The following CDHR1 variants were observed in gnomAD, a reference collection of about 807,000 sequenced individuals.
The protein encoded by CDHR1 is cadherin related family member 1, also known as cadherin-related family member 1.
In CDHR1, 61 loss-of-function variants were observed where a neutral mutation model predicts 72.1. The observed-to-expected ratio is 0.85, with a 90% CI of 0.69 to 1.05. CDHR1 has a LOEUF of 1.05. Among genes scored for constraint, CDHR1 ranks in the 50% least tolerant of loss-of-function variants. The probability of loss-of-function intolerance (pLI) is 0.00; values close to 1 mark genes in which losing one functional copy is unlikely to be tolerated. For synonymous variants in CDHR1, 470 were observed against 448.1 expected (o/e 1.05, Z -0.62); for missense variants, 1,186 against 1,115.7 (o/e 1.06, Z -0.90).
In CDHR1 at chr10:84,216,367, C is replaced by T; in HGVS notation, c.*1746C>T. The T allele has an allele frequency of 2.0e-6, 2 of 985,506 alleles. No homozygotes were observed. Among genetic ancestry groups the T allele is most frequent in the Non-Finnish European group, 2.4e-6 (2 of 829,976 alleles). 61.0% of individuals were successfully genotyped at this position (985,506 alleles called of 1,614,324 possible). On this transcript the variant is annotated 3_prime_UTR_variant, in exon 17 of 17. Transcript: ENST00000623527. ...AAGCAAGAGGTGGACTCGAGCAATC[C>T]AGGAGCCCAGACTGAGCAAATAAGT...
At chr10:84,195,203 G>T (rs1314832217) in intron 1 of CDHR1, among the ~76,000 whole-genome samples, 1 of 152,228 alleles carries the variant, frequency 6.6e-6, no homozygotes, top group Non-Finnish European at 1.5e-5. Context: ...CTCCGAGCGC[G>T]GGTGCAATCT....
chr10:84,217,654 A>T lies in CDHR1; in HGVS notation c.*3033A>T. Reference sequence around the variant, plus strand: ...TAGACACTTGCCGTGACTGTGGCCCACATACTAGAACACCATGTCCTGAAA... The same window carrying T: ...TAGACACTTGCCGTGACTGTGGCCCTCATACTAGAACACCATGTCCTGAAA... On this transcript the variant is annotated 3_prime_UTR_variant, in exon 17 of 17. Transcript: ENST00000623527. 3 of 985,514 alleles carry T rather than the reference A, an allele frequency of 3.0e-6. No individual in the cohort carries two copies. Among genetic ancestry groups the T allele is most frequent in the African/African-American group, 3.5e-5 (2 of 57,368 alleles). 61.0% of individuals were successfully genotyped at this position (985,514 alleles called of 1,614,324 possible).
rs747598809 is a variant in CDHR1, at chr10:84,213,114, A to G, written c.1806A>G (p.Glu602=). ...KIEAIDEDAE[E]PNNLVDYSIT... ...AGGCCATAGACGAGGATGCAGAGGA[A>G]CCCAACAACCTGGTGGACTATTCCA... The change falls in exon 16 of 17, where the codon GAA becomes GAG. Residue 602 remains glutamate, a synonymous_variant. Transcript: ENST00000623527. The G allele has an allele frequency of 6.2e-7, 1 of 1,614,226 alleles. No homozygotes were observed. Among genetic ancestry groups the G allele is most frequent in the South Asian group, 1.1e-5 (1 of 91,082 alleles).
At chr10:84,200,322 T>C (rs1369596057) in intron 5 of CDHR1, among the ~76,000 whole-genome samples, 1 of 152,230 alleles carries the variant, frequency 6.6e-6, no homozygotes, top group Non-Finnish European at 1.5e-5. Flanking sequence ...TAGGTAGACC[T>C]TTTATCTGTT....
intron 10 of CDHR1, 115 bp from the exon 11 acceptor site, chr10:84,208,059 C>T (rs1740022188): frequency 2.2e-6 from 2 of 919,646 alleles, no homozygotes; most frequent in South Asian, 1.3e-5. Flanking sequence ...AACCAAGTTG[C>T]TAAGCCAGGA....
Position 84,216,080 on chromosome 10 carries a change from C to CA in CDHR1, c.*1462dup, listed in dbSNP as rs1403194463. 15 of 985,314 alleles carry CA rather than the reference C, an allele frequency of 1.5e-5. No individual in the cohort carries two copies. Among genetic ancestry groups the CA allele is most frequent in the Non-Finnish European group, 1.8e-5 (15 of 829,950 alleles). 61.0% of individuals were successfully genotyped at this position (985,314 alleles called of 1,614,324 possible). The stretch of plus-strand genomic sequence containing the variant: ...TCATACAAGGCCTCTGGGGTTAATA[C>CA]AAATAGGTTGTGCCCTGCTTTAAGG... On this transcript the variant is annotated 3_prime_UTR_variant, in exon 17 of 17. Coordinates refer to ENST00000623527, the MANE Select transcript of CDHR1 (RefSeq NM_033100.4).
intron 5 of CDHR1, 121 bp downstream of exon 5, chr10:84,199,242 G>C: frequency 1.3e-6 from 1 of 766,672 alleles, no homozygotes; most frequent in Non-Finnish European, 2.3e-6. Context: ...GTCACCACCT[G>C]CTCCCTCCAA....
chr10:84,212,119 G>A, intron 14 of CDHR1, 60 bp from the exon 15 acceptor site: 1 of 1,391,408 alleles, frequency 7.2e-7, no homozygotes, highest in Non-Finnish European at 1.0e-6. Flanking sequence ...GCAGGCATGT[G>A]TATGTATGCA....
intron 13 of CDHR1, 66 bp downstream of exon 13, chr10:84,211,231 A>T: frequency 2.6e-6 from 4 of 1,559,402 alleles, no homozygotes; most frequent in Non-Finnish European, 3.5e-6. Context: ...ACAAATCTGG[A>T]AGGTCATTGC....
intron 6 of CDHR1, among the ~76,000 whole-genome samples, chr10:84,201,375 C>T (rs1842122042): frequency 6.6e-6 from 1 of 152,178 alleles, no homozygotes; most frequent in Non-Finnish European, 1.5e-5. Context: ...GCCAGGCTGC[C>T]TGGGACTGGC....
In CDHR1 at chr10:84,217,290, A is replaced by G; in HGVS notation, c.*2669A>G. On this transcript the variant is annotated 3_prime_UTR_variant, in exon 17 of 17. Transcript: ENST00000623527. The stretch of plus-strand genomic sequence containing the variant: ...AAGAGCTGGGAGGCAGGAATGGCAC[A>G]CTGGGCAGGCTTGCCCATTCCTGGC... 1 of 985,486 alleles carries G rather than the reference A, an allele frequency of 1.0e-6. No individual in the cohort carries two copies. The highest frequency in any genetic ancestry group is 1.2e-6 in the Non-Finnish European group (1 of 829,960). The allele number at this position is 985,486 out of a possible 1,614,324, so 61.0% of individuals were successfully genotyped here.
intron 12 of CDHR1, among the ~76,000 whole-genome samples, chr10:84,210,244 G>GT (rs964441185): frequency 3.5e-4 from 53 of 151,278 alleles, no homozygotes; most frequent in East Asian, 1.2e-3. Flanking sequence ...TTTTGTTTTT[G>GT]TTTTTTTTGT....
chr10:84,214,554 C>A lies in CDHR1; in HGVS notation c.2513C>A (p.Ser838Ter). 6.2e-7 allele frequency: 1 copy of A among 1,601,402 alleles called. No homozygotes were observed. The highest frequency in any genetic ancestry group is 1.1e-5 in the South Asian group (1 of 91,070). Residue 838 changes from serine to a stop codon, truncating the protein, a stop_gained, in exon 17 of 17, where the codon TCA (serine) becomes TAA (stop). Coordinates refer to ENST00000623527, the MANE Select transcript of CDHR1 (RefSeq NM_033100.4). LOFTEE classifies it high-confidence loss of function. ...AAAACTATGGGAAGCCCCGTCCAGT[C>A]AACTCTGATCTCTGAGCTCAAGCAA... Reference protein sequence around the residue: ...KPKTMGSPVQSTLISELKQKF... With the variant: ...KPKTMGSPVQ
At position 84,214,790 on chromosome 10, in the gene CDHR1, G is replaced by A. The variant is rs1345096156; in HGVS notation, c.*169G>A. On this transcript the variant is annotated 3_prime_UTR_variant, in exon 17 of 17. Coordinates refer to ENST00000623527, the MANE Select transcript of CDHR1 (RefSeq NM_033100.4). The stretch of plus-strand genomic sequence containing the variant: ...CCGCCACCTTCTGGCGCAACAAGAA[G>A]TTGCGCTCTGACAGGGCTCTAGTCA... 1.3e-6 allele frequency: 2 copies of A among 1,547,516 alleles called. No individual in the cohort carries two copies. The highest frequency in any genetic ancestry group is 1.7e-6 in the Non-Finnish European group (2 of 1,154,526).
chr10:84,212,108 T>G, intron 14 of CDHR1, 71 bp from the exon 15 acceptor site: 1 of 1,328,798 alleles, frequency 7.5e-7, no homozygotes, highest in African/African-American at 1.4e-5. Context: ...AGCTCATTAT[T>G]GCAGGCATGT....
intron 16 of CDHR1, 81 bp downstream of exon 16, chr10:84,213,429 A>G (rs1842373862): frequency 6.3e-7 from 1 of 1,577,678 alleles, no homozygotes; most frequent in African/African-American, 1.3e-5. Flanking sequence ...AGCGAGAAGG[A>G]CCATCTCCAG....
chr10:84,205,809 G>T lies in CDHR1; in HGVS notation c.863-18G>T, dbSNP rs746036664. 1 of 1,589,434 alleles carries T rather than the reference G, an allele frequency of 6.3e-7. No homozygotes were observed. The highest frequency in any genetic ancestry group is 8.6e-7 in the Non-Finnish European group (1 of 1,158,448). ...CTGTGGTCCTGTGCAGAACTTCAGG[G>T]TGCATCTCCCTTGACAGGGAACGAT... On this transcript the variant is annotated intron_variant, in intron 9 of 16. Coordinates refer to ENST00000623527, the MANE Select transcript of CDHR1 (RefSeq NM_033100.4).
chr10:84,210,349 T>A lies in CDHR1; in HGVS notation c.1321-652T>A, dbSNP rs372891979. ...GGCACAATATTGGCTCACTGAAAACTCTGCCTCCCAGGTTTAAGTGATTCT... is the reference window on the plus strand; with the variant it reads ...GGCACAATATTGGCTCACTGAAAACACTGCCTCCCAGGTTTAAGTGATTCT... On this transcript the variant is annotated intron_variant, in intron 12 of 16. Transcript: ENST00000623527. Among the ~76,000 whole-genome samples, 4 of 152,266 alleles carry A rather than the reference T, an allele frequency of 2.6e-5. No individual in the cohort carries two copies. The East Asian group carries it at 7.7e-4, about 29-fold the overall frequency.
chr10:84,197,679 C>T, intron 3 of CDHR1, 107 bp from the exon 4 acceptor site: 2 of 1,050,148 alleles, frequency 1.9e-6, no homozygotes, highest in South Asian at 2.5e-5. Context: ...TTGGCACGCC[C>T]AGACCTCCTC....
Sources: gnomAD v4.1 joint callset for allele counts (sites outside exome capture counted in the v4.1 genomes callset) on GRCh38, gnomAD v4.1.1 for gene constraint, MANE v1.5 for transcripts, NCBI Gene and HGNC (gene_info 2026-07-23, HGNC 2026-07-21) for gene names.